The following CADM1 variants were observed in gnomAD, a reference collection of about 807,000 sequenced individuals.
The protein encoded by CADM1 is TSLC-1.
A neutral mutation model predicts 53.1 loss-of-function variants in CADM1; 15 were observed. The ratio of observed to expected loss-of-function variants is 0.28; its 90% confidence interval spans 0.19 to 0.44. The LOEUF (loss-of-function observed/expected upper bound fraction) is 0.44, where lower values mean the gene tolerates loss of function less well. CADM1 is among the 20% of genes least tolerant of loss of function. The pLI, the probability that CADM1 is intolerant of heterozygous loss-of-function variation, is 1.00. For missense variants in CADM1, 434 were observed against 611.3 expected, an observed-to-expected ratio of 0.71 and a Z score of 3.06; for synonymous variants, 281 against 243.0, an observed-to-expected ratio of 1.16 and a Z score of -1.45.
At chr11:115,503,844 G>C (rs1415876621) in intron 1 of CADM1, among the ~76,000 whole-genome samples, 3 of 152,098 alleles carry the variant, frequency 2.0e-5, no homozygotes, top group African/African-American at 7.2e-5. Context: ...GGGCCCTCTG[G>C]AGAGGTGGGG....
intron 1 of CADM1, among the ~76,000 whole-genome samples, chr11:115,374,543 A>C (rs920580180): frequency 6.6e-6 from 1 of 152,194 alleles, no homozygotes; most frequent in African/African-American, 2.4e-5. Context: ...CACTGAAAGA[A>C]TAAATCTACG....
At chr11:115,244,023 G>T (rs1483588558) in intron 1 of CADM1, among the ~76,000 whole-genome samples, 1 of 152,130 alleles carries the variant, frequency 6.6e-6, no homozygotes, top group East Asian at 1.9e-4. Flanking sequence ...GAATCCAACT[G>T]GATTTTTATT....
intron 1 of CADM1, among the ~76,000 whole-genome samples, chr11:115,313,502 A>G (rs1944583722): frequency 6.6e-6 from 1 of 152,216 alleles, no homozygotes; most frequent in African/African-American, 2.4e-5. Flanking sequence ...ATAGTACTAG[A>G]TATTATTTAA....
intron 1 of CADM1, among the ~76,000 whole-genome samples, chr11:115,245,602 C>CCAT (rs1277701444): frequency 6.6e-6 from 1 of 152,178 alleles, no homozygotes; most frequent in Admixed American, 6.5e-5. Context: ...CGAAATAAAA[C>CCAT]CATCACTAGT....
At chr11:115,308,733 C>T (rs1487157513) in intron 1 of CADM1, among the ~76,000 whole-genome samples, 1 of 151,380 alleles carries the variant, frequency 6.6e-6, no homozygotes, top group Non-Finnish European at 1.5e-5. Context: ...CCTTCCCTCC[C>T]TCCCTTTTTC....
intron 1 of CADM1, among the ~76,000 whole-genome samples, chr11:115,410,667 C>A (rs1947439173): frequency 6.6e-6 from 1 of 151,970 alleles, no homozygotes; most frequent in Non-Finnish European, 1.5e-5. Flanking sequence ...GGAAATTTAG[C>A]TAAGAAGGAA....
At chr11:115,375,430 C>T (rs1254234755) in intron 1 of CADM1, among the ~76,000 whole-genome samples, 3 of 152,060 alleles carry the variant, frequency 2.0e-5, no homozygotes, top group African/African-American at 7.2e-5. Flanking sequence ...AATGGTTACT[C>T]GGGTGTTCAT....
In CADM1 at chr11:115,171,169, T is replaced by G. The variant is rs1175433677; in HGVS notation, c.*5305A>C. ...ATGGCTGTGAATACAAATTTCACCC[T>G]GAAGGAATGTGGCTGCCAGTTCTTC... On this transcript the variant is annotated 3_prime_UTR_variant, in exon 12 of 12. Coordinates refer to ENST00000331581, the MANE Select transcript of CADM1 (RefSeq NM_001301043.2). 1 of 152,160 alleles carries G rather than the reference T, an allele frequency of 6.6e-6. No individual in the cohort carries two copies. The highest frequency in any genetic ancestry group is 2.4e-5 in the African/African-American group (1 of 41,440). 9.4% of individuals were successfully genotyped at this position (152,160 alleles called of 1,614,324 possible).
At chr11:115,379,624 G>T (rs1418056140) in intron 1 of CADM1, among the ~76,000 whole-genome samples, 1 of 152,160 alleles carries the variant, frequency 6.6e-6, no homozygotes, top group Non-Finnish European at 1.5e-5. Context: ...AAGGGGTGGT[G>T]ATTGTGTTTC....
intron 1 of CADM1, among the ~76,000 whole-genome samples, chr11:115,261,104 A>G (rs1454982939): frequency 6.6e-6 from 1 of 152,204 alleles, no homozygotes; most frequent in African/African-American, 2.4e-5. Context: ...AAGAGAGCCT[A>G]CCATGAGGTA....
chr11:115,399,827 T>C (rs1166456567), intron 1 of CADM1, among the ~76,000 whole-genome samples: 1 of 151,908 alleles, frequency 6.6e-6, no homozygotes, highest in African/African-American at 2.4e-5. Flanking sequence ...AAACCCTCTT[T>C]CACATAGCGT....
intron 1 of CADM1, among the ~76,000 whole-genome samples, chr11:115,395,270 T>G (rs1946966273): frequency 6.6e-6 from 1 of 152,112 alleles, no homozygotes; most frequent in African/African-American, 2.4e-5. Context: ...AACAAACAAA[T>G]TCTTCTACCT....
chr11:115,462,948 C>T (rs778530744), intron 1 of CADM1, among the ~76,000 whole-genome samples: 5 of 152,078 alleles, frequency 3.3e-5, no homozygotes, highest in Non-Finnish European at 5.9e-5. Context: ...GTAGTAGGTG[C>T]CCACTAGGGA....
rs181850725 is a variant in CADM1 at position 115,476,252 on chromosome 11, A to G, written c.124+28019T>C. 2.4e-3 allele frequency among the ~76,000 whole-genome samples: 364 copies of G among 152,348 alleles called. 7 individuals are homozygous for G. Among genetic ancestry groups the G allele is most frequent in the Non-Finnish European group, 8.4e-4 (57 of 68,032 alleles). ...GTCTCAAGAATATAACTTATATTCT[A>G]ATTTTATAATATAAAAACAAAGGTT... is the stretch of plus-strand genomic sequence containing the variant. On this transcript the variant is annotated intron_variant, in intron 1 of 11. Coordinates refer to ENST00000331581, the MANE Select transcript of CADM1 (RefSeq NM_001301043.2).
At chr11:115,448,999 T>C (rs1948513025) in intron 1 of CADM1, among the ~76,000 whole-genome samples, 1 of 152,136 alleles carries the variant, frequency 6.6e-6, no homozygotes, top group Non-Finnish European at 1.5e-5. Context: ...TGTCTGAAAG[T>C]CTCGCCTAAT....
intron 10 of CADM1, among the ~76,000 whole-genome samples, chr11:115,184,047 G>A (rs1487601141): frequency 1.3e-5 from 2 of 152,128 alleles, no homozygotes; most frequent in Non-Finnish European, 2.9e-5. Context: ...TGTTTGTAAT[G>A]GAAATGCTGC....
At chr11:115,466,079 C>T (rs1948893291) in intron 1 of CADM1, among the ~76,000 whole-genome samples, 1 of 152,078 alleles carries the variant, frequency 6.6e-6, no homozygotes, top group Admixed American at 6.6e-5. Context: ...TATTTAGTTT[C>T]TGGTAAAGAC....
At chr11:115,260,927 G>A (rs2135016150) in intron 1 of CADM1, among the ~76,000 whole-genome samples, 1 of 152,220 alleles carries the variant, frequency 6.6e-6, no homozygotes, top group South Asian at 2.1e-4. Flanking sequence ...GCCCGCCTCA[G>A]CCTCCCAAAG....
intron 1 of CADM1, among the ~76,000 whole-genome samples, chr11:115,328,780 C>CT (rs1945054925): frequency 1.6e-5 from 1 of 63,264 alleles, no homozygotes; most frequent in South Asian, 6.3e-4. Context: ...GACAAAAGAA[C>CT]TTTTAGTGGG....
Sources: allele counts gnomAD v4.1 joint callset (sites outside exome capture counted in the v4.1 genomes callset), GRCh38; gene constraint gnomAD v4.1.1; transcripts MANE v1.5; gene names NCBI Gene and HGNC (gene_info 2026-07-23, HGNC 2026-07-21).